The following WAPL variants were observed in gnomAD, a reference collection of about 807,000 sequenced individuals.
WAPL encodes WAPL cohesin release factor, also known as wings apart-like protein homolog.
In WAPL, 5 loss-of-function variants were observed where a neutral mutation model predicts 121.0. The observed-to-expected ratio is 0.04, with a 90% CI of 0.02 to 0.09. The LOEUF is 0.09. WAPL is among the 10% of genes least tolerant of loss of function. The pLI is 1.00. For synonymous variants in WAPL, 480 were observed against 481.5 expected (o/e 1.00, Z 0.04); for missense variants, 999 against 1,410.8 (o/e 0.71, Z 4.68).
intron 16 of WAPL, among the ~76,000 whole-genome samples, chr10:86,445,310 C>A (rs1243781181): frequency 2.0e-5 from 3 of 152,078 alleles, no homozygotes; most frequent in African/African-American, 7.2e-5. Flanking sequence ...ATTATTTTTT[C>A]TTCCTCAAAT....
Position 86,446,335 on chromosome 10 carries a change from C to T in WAPL, c.3229G>A (p.Gly1077Arg), listed in dbSNP as rs752664410. The change falls in exon 16 of 19, where the codon GGA becomes AGA. Residue 1077 changes from glycine to arginine, a missense_variant. Around this residue, in one of 7 missense-constraint regions of WAPL, gnomAD observed 126 missense variants for 144.0 expected, o/e 0.87. Coordinates refer to ENST00000298767, the MANE Select transcript of WAPL (RefSeq NM_015045.5). ...TCAGTTGACACCCACTGTATTTCTC[C>T]ACTTGTTTCTTGCCACTCTCCACTC... ...DKSGEWQETS[G>R]EIQWVSTEKT... 1 of 1,614,164 alleles carries T rather than the reference C, an allele frequency of 6.2e-7. No individual in the cohort carries two copies. The highest frequency in any genetic ancestry group is 8.5e-7 in the Non-Finnish European group (1 of 1,180,030).
At chr10:86,516,928 CAAA>C (rs1842565617) in intron 2 of WAPL, among the ~76,000 whole-genome samples, 1 of 151,910 alleles carries the variant, frequency 6.6e-6, no homozygotes, top group Non-Finnish European at 1.5e-5. Flanking sequence ...ACTAAAAATA[CAAA>C]AATTAGCCAG....
chr10:86,449,109 A>G (rs1209196926), intron 15 of WAPL, among the ~76,000 whole-genome samples: 1 of 152,244 alleles, frequency 6.6e-6, no homozygotes, highest in Non-Finnish European at 1.5e-5. Context: ...TAAATAGGTA[A>G]GAAAAGAACA....
intron 4 of WAPL, among the ~76,000 whole-genome samples, chr10:86,487,656 C>T (rs532590436): frequency 1.6e-4 from 24 of 152,008 alleles, no homozygotes; most frequent in Non-Finnish European, 2.9e-4. Flanking sequence ...TTTAGGAGGC[C>T]GAGGCGGGTG....
Position 86,468,230 on chromosome 10 carries a change from CTT to C in WAPL, c.2143-726_2143-725del, listed in dbSNP as rs201293095. Among the ~76,000 whole-genome samples, 1,009 of 152,054 alleles carry C rather than the reference CTT, an allele frequency of 6.6e-3. 16 individuals are homozygous for C. The highest frequency in any genetic ancestry group is 6.0e-3 in the East Asian group (31 of 5,158). On this transcript the variant is annotated intron_variant, in intron 8 of 18. Transcript: ENST00000298767. ...TTTTTCCTTTTGAGACAGGGTTTCACTTTGTCATCCAGGCTGGACTGCAGTGG... is the reference window on the plus strand; with the variant it reads ...TTTTTCCTTTTGAGACAGGGTTTCACTGTCATCCAGGCTGGACTGCAGTGG...
intron 17 of WAPL, among the ~76,000 whole-genome samples, chr10:86,440,449 G>C (rs778178167): frequency 1.7e-5 from 2 of 116,644 alleles, no homozygotes; most frequent in African/African-American, 6.3e-5. Flanking sequence ...CACCACGCCC[G>C]GCTAATTTTT....
intron 3 of WAPL, among the ~76,000 whole-genome samples, chr10:86,498,733 C>A (rs1419678669): frequency 1.3e-5 from 2 of 152,108 alleles, no homozygotes; most frequent in Non-Finnish European, 2.9e-5. Flanking sequence ...TTCACAAAGC[C>A]CTTGTCAGGT....
At chr10:86,484,422 G>T (rs1417933776) in intron 4 of WAPL, among the ~76,000 whole-genome samples, 1 of 152,150 alleles carries the variant, frequency 6.6e-6, no homozygotes, top group East Asian at 1.9e-4. Flanking sequence ...TTGAGCCCAG[G>T]AGGTCAAGGC....
intron 7 of WAPL, 67 bp from the exon 8 acceptor site, chr10:86,471,170 A>G: frequency 4.5e-6 from 6 of 1,323,854 alleles, no homozygotes; most frequent in Non-Finnish European, 6.5e-6. Context: ...AGTTTGTGTA[A>G]TACCAAAACC....
intron 4 of WAPL, among the ~76,000 whole-genome samples, chr10:86,496,953 T>C (rs931132345): frequency 1.3e-5 from 2 of 152,150 alleles, no homozygotes; most frequent in South Asian, 4.1e-4. Context: ...GTTTTGGGTA[T>C]AGATAATTGT....
chr10:86,457,280 A>C (rs1221441131), intron 12 of WAPL, among the ~76,000 whole-genome samples: 1 of 148,620 alleles, frequency 6.7e-6, no homozygotes, highest in African/African-American at 2.5e-5. Flanking sequence ...ACTTAAGCCC[A>C]CGAGTTTGAG....
rs1290685572 is a variant in WAPL at position 86,472,158 on chromosome 10, A to C, written c.2030+50T>G. 1 of 1,488,224 alleles carries C rather than the reference A, an allele frequency of 6.7e-7. No individual in the cohort carries two copies. Among genetic ancestry groups the C allele is most frequent in the Non-Finnish European group, 8.9e-7 (1 of 1,124,710 alleles). The allele number at this position is 1,488,224 out of a possible 1,614,324, so 92.2% of individuals were successfully genotyped here. On this transcript the variant is annotated intron_variant, in intron 7 of 18. Transcript: ENST00000298767. The surrounding 1 kb of genome is among the most constrained non-coding windows in gnomAD (Gnocchi z 4.2). Reference sequence around the variant, plus strand: ...TTTTTGGACAACACCTAGTTGAAAAAATTTAATACAGCATGCACATAATTG... The same window carrying C: ...TTTTTGGACAACACCTAGTTGAAAACATTTAATACAGCATGCACATAATTG...
Position 86,500,473 on chromosome 10 carries a change from C to T in WAPL, c.770G>A (p.Ser257Asn). The stretch of plus-strand genomic sequence containing the variant: ...ATCCTTCATCTCCAAAAGGGGATCA[C>T]TATCCAAACTTAAAATACAGTCTTC... The part of the protein sequence containing the change: ...RSEDCILSLD[S>N]DPLLEMKDDD... The change falls in exon 3 of 19, where the codon AGT (serine) becomes AAT (asparagine). Residue 257 changes from serine (S) to asparagine (N), a missense_variant. Around this residue, in one of 7 missense-constraint regions of WAPL, gnomAD observed 531 missense variants for 563.1 expected, o/e 0.94. Transcript: ENST00000298767. 6.2e-7 allele frequency: 1 copy of T among 1,614,228 alleles called. No individual in the cohort carries two copies. Among genetic ancestry groups the T allele is most frequent in the Non-Finnish European group, 8.5e-7 (1 of 1,180,044 alleles).
In WAPL at chr10:86,451,961, G is replaced by A; in HGVS notation, c.3114+6C>T. ...TTATGAGTTTGTTTTTAAAGTGGTT[G>A]CTTACCTGCACTAAAGCCTGGACAG... On this transcript the variant is annotated splice_donor_region_variant and intron_variant, in intron 15 of 18. Transcript: ENST00000298767. 6.2e-7 allele frequency: 1 copy of A among 1,612,248 alleles called. No individual in the cohort carries two copies.
chr10:86,492,652 C>T (rs1458102516), intron 4 of WAPL, among the ~76,000 whole-genome samples: 3 of 152,160 alleles, frequency 2.0e-5, no homozygotes, highest in Non-Finnish European at 4.4e-5. Context: ...GACTTAAATT[C>T]TGGTACTTTA....
At chr10:86,473,788 TC>T in intron 5 of WAPL, 89 bp downstream of exon 5, 1 of 1,058,400 alleles carries the variant, frequency 9.4e-7, no homozygotes, top group Non-Finnish European at 1.4e-6. Context: ...AATAGAAAAG[TC>T]AAAGATTTAC....
chr10:86,442,920 G>A (rs959775404), intron 17 of WAPL, among the ~76,000 whole-genome samples: 3 of 151,788 alleles, frequency 2.0e-5, no homozygotes, highest in African/African-American at 4.8e-5. Flanking sequence ...GCAGGCGCCT[G>A]TAGTCCCAGC....
chr10:86,481,552 T>C (rs992846497), intron 4 of WAPL, among the ~76,000 whole-genome samples: 3 of 152,046 alleles, frequency 2.0e-5, no homozygotes, highest in Non-Finnish European at 4.4e-5. Flanking sequence ...TTTGTATTTT[T>C]AGTAGAGACG....
intron 10 of WAPL, among the ~76,000 whole-genome samples, chr10:86,460,789 C>T (rs184373649): frequency 6.6e-6 from 1 of 152,160 alleles, no homozygotes; most frequent in East Asian, 1.9e-4. Context: ...TCTCGGCTCA[C>T]TGCAACCTCC....
Sources: gnomAD v4.1 joint callset for allele counts (sites outside exome capture counted in the v4.1 genomes callset) on GRCh38, gnomAD v4.1.1 for gene constraint, gnomAD v4.1.1 regional missense constraint, Gnocchi (gnomAD v3.1) non-coding constraint, MANE v1.5 for transcripts, NCBI Gene and HGNC (gene_info 2026-07-23, HGNC 2026-07-21) for gene names.